Variants in SASH1 observed in about 807,000 individuals in gnomAD.
SASH1 encodes the protein SAM and SH3 domain-containing protein 1.
A neutral mutation model predicts 125.2 loss-of-function variants in SASH1; 44 were observed. The ratio of observed to expected loss-of-function variants is 0.35; its 90% CI spans 0.28 to 0.45. The LOEUF is 0.45. SASH1 is among the 20% of genes least tolerant of loss of function. The pLI is 1.00. For missense variants in SASH1, 1,426 were observed against 1,614.5 expected (o/e 0.88, Z 2.00); for synonymous variants, 639 against 649.1 (o/e 0.98, Z 0.24).
chr6:148,300,442 A>ATT (rs34126353), intron 1 of SASH1, among the ~76,000 whole-genome samples: 1,697 of 108,228 alleles, frequency 0.016, 55 homozygotes, highest in African/African-American at 0.058. Flanking sequence ...CAGAAACAAG[A>ATT]TTTTTTTTTT....
At chr6:148,196,712 A>G in the SASH1 span, among the ~76,000 whole-genome samples, 6 of 152,358 alleles carry the variant, frequency 3.9e-5, 1 homozygote, top group South Asian at 2.1e-4. Flanking sequence ...ATTGTGAGAT[A>G]AGACAAACAT....
At position 148,434,151 on chromosome 6, in the gene SASH1, A is replaced by T. The variant is rs950796155; in HGVS notation, c.286-6033A>T. ...GAGTGCAGTGGCGCAATCTTGGCTC[A>T]CTGCAAGCTCTGCCTCCTGAGTTCA... is the stretch of plus-strand genomic sequence containing the variant. On this transcript the variant is annotated intron_variant, in intron 2 of 19. Transcript: ENST00000367467. Among the ~76,000 whole-genome samples the T allele has an allele frequency of 7.9e-5, 11 of 139,916 alleles. No individual in the cohort carries two copies. The East Asian group carries it at 2.3e-3, about 29-fold the overall frequency. The allele number at this position is 139,916 out of a possible 152,430, so 91.8% of individuals were successfully genotyped here.
At chr6:148,316,961 C>T (rs918559974) in intron 1 of SASH1, among the ~76,000 whole-genome samples, 3 of 152,186 alleles carry the variant, frequency 2.0e-5, no homozygotes, top group African/African-American at 7.2e-5. Flanking sequence ...AAACTACTGC[C>T]ATTTCTGCCT....
At chr6:148,301,838 C>T (rs1319294828) in intron 1 of SASH1, among the ~76,000 whole-genome samples, 8 of 131,418 alleles carry the variant, frequency 6.1e-5, no homozygotes, top group African/African-American at 2.3e-4. Context: ...CTCAAGCAAT[C>T]CTCCCACCTC....
At chr6:148,489,587 C>T (rs1366201784) in intron 8 of SASH1, among the ~76,000 whole-genome samples, 1 of 152,028 alleles carries the variant, frequency 6.6e-6, no homozygotes, top group Non-Finnish European at 1.5e-5. Flanking sequence ...CGAAATCTTC[C>T]AGTCAATGAA....
At chr6:148,341,632 AT>A (rs1274296210), upstream of SASH1, among the ~76,000 whole-genome samples, 3 of 152,172 alleles carry the variant, frequency 2.0e-5, no homozygotes, top group African/African-American at 7.2e-5. Context: ...ACATGCTCTT[AT>A]CCCCTTTCAA....
chr6:148,508,790 A>G, intron 8 of SASH1: 1 of 1,161,304 alleles, frequency 8.6e-7, no homozygotes. Context: ...ATGCTACAAG[A>G]GTGAAGACGC....
chr6:148,385,715 A>G (rs566669513), intron 1 of SASH1, among the ~76,000 whole-genome samples: 4 of 152,252 alleles, frequency 2.6e-5, no homozygotes, highest in African/African-American at 9.6e-5. Context: ...ACCCCAAAAG[A>G]CTGGGTTCTG....
intron 2 of SASH1, among the ~76,000 whole-genome samples, chr6:148,421,169 G>GA (rs373547444): frequency 1.8e-4 from 22 of 125,006 alleles, no homozygotes; most frequent in Non-Finnish European, 3.3e-4. Flanking sequence ...AAGAAAGAAA[G>GA]AAAGAAAGAA....
chr6:148,451,125 C>G (rs772642736), intron 4 of SASH1, among the ~76,000 whole-genome samples: 3 of 152,220 alleles, frequency 2.0e-5, no homozygotes, highest in Non-Finnish European at 4.4e-5. Context: ...TGAGAGCTCA[C>G]TCTTCTGATT....
intron 1 of SASH1, among the ~76,000 whole-genome samples, chr6:148,287,858 T>C (rs1004412999): frequency 1.3e-5 from 2 of 152,208 alleles, no homozygotes; most frequent in African/African-American, 4.8e-5. Flanking sequence ...CCAAGCCATT[T>C]GTGTTTCCCT....
chr6:148,542,857 T>C (rs1397898560), intron 17 of SASH1, among the ~76,000 whole-genome samples: 1 of 149,370 alleles, frequency 6.7e-6, no homozygotes, highest in Non-Finnish European at 1.5e-5. Flanking sequence ...GGACAGTGTG[T>C]GTGTGTGTGT....
chr6:148,490,013 T>TAAAA (rs57304766), intron 8 of SASH1, among the ~76,000 whole-genome samples: 5 of 124,956 alleles, frequency 4.0e-5, no homozygotes, highest in African/African-American at 5.9e-5. Context: ...ATCCTGTCTT[T>TAAAA]AAAAAAAAAA....
the SASH1 span, among the ~76,000 whole-genome samples, chr6:148,238,284 C>A: frequency 6.6e-6 from 1 of 151,920 alleles, no homozygotes. Flanking sequence ...AGTGCAGTGG[C>A]GCAATCTCGG....
intron 1 of SASH1, among the ~76,000 whole-genome samples, chr6:148,355,179 A>C (rs1295812766): frequency 2.6e-5 from 4 of 152,234 alleles, no homozygotes; most frequent in Non-Finnish European, 5.9e-5. Flanking sequence ...TATTCTGAAA[A>C]GGTAAAACAT....
At chr6:148,357,813 AT>A (rs1373875056) in intron 1 of SASH1, among the ~76,000 whole-genome samples, 2 of 152,116 alleles carry the variant, frequency 1.3e-5, no homozygotes, top group African/African-American at 4.8e-5. Flanking sequence ...TGATCCCAGC[AT>A]TTTGGGAGAC....
chr6:148,501,175 G>C lies in SASH1; in HGVS notation c.730-13149G>C, dbSNP rs181443840. 3.8e-3 allele frequency among the ~76,000 whole-genome samples: 580 copies of C among 152,114 alleles called. 17 individuals carry two copies. The highest frequency in any genetic ancestry group is 0.035 in the Admixed American group (538 of 15,270). ...CCCACCTTCCCTCCATTGCCATTTG[G>C]CTCCATCAGTTCTCTGTATTTCTAC... On this transcript the variant is annotated intron_variant, in intron 8 of 19. Coordinates refer to ENST00000367467, the MANE Select transcript of SASH1 (RefSeq NM_015278.5).
chr6:148,363,963 C>T (rs1379028072), intron 1 of SASH1, among the ~76,000 whole-genome samples: 1 of 152,150 alleles, frequency 6.6e-6, no homozygotes, highest in African/African-American at 2.4e-5. Context: ...CTAAAAAGTT[C>T]TGATCCCTGA....
At chr6:148,428,115 A>C (rs1458503740) in intron 2 of SASH1, among the ~76,000 whole-genome samples, 1 of 152,198 alleles carries the variant, frequency 6.6e-6, no homozygotes, top group Non-Finnish European at 1.5e-5. Context: ...GTCTGTCTGT[A>C]CTGTAGCATC....
Sources: allele counts gnomAD v4.1 joint callset (sites outside exome capture counted in the v4.1 genomes callset), GRCh38; gene constraint gnomAD v4.1.1; transcripts MANE v1.5; gene names NCBI Gene and HGNC (gene_info 2026-07-23, HGNC 2026-07-21).